NLGN1: variants seen among roughly 807,000 people sequenced by gnomAD.
NLGN1 encodes the protein neuroligin-1.
In NLGN1, 12 loss-of-function variants were observed where a neutral mutation model predicts 65.5. The observed-to-expected ratio is 0.18, with a 90% confidence interval of 0.12 to 0.30. The LOEUF is 0.30. Ranked by LOEUF, NLGN1 falls within the 10% of genes least tolerant of loss-of-function variation. The pLI, the probability that NLGN1 is intolerant of heterozygous loss-of-function variation, is 1.00. For synonymous variants in NLGN1, 350 were observed against 359.5 expected (o/e 0.97, Z 0.30); for missense variants, 750 against 1,007.1 (o/e 0.74, Z 3.46).
intron 4 of NLGN1, among the ~76,000 whole-genome samples, chr3:174,167,412 G>T (rs536196734): frequency 4.6e-5 from 7 of 151,820 alleles, no homozygotes; most frequent in Non-Finnish European, 1.0e-4. Context: ...CTTAGAGCTT[G>T]GTTATATTTT....
intron 4 of NLGN1, among the ~76,000 whole-genome samples, chr3:174,089,683 A>G (rs922773966): frequency 6.6e-6 from 1 of 152,206 alleles, no homozygotes; most frequent in Non-Finnish European, 1.5e-5. Context: ...CAAGACTTCT[A>G]TTCTTATTAT....
intron 4 of NLGN1, among the ~76,000 whole-genome samples, chr3:174,240,103 G>A (rs1742508137): frequency 6.6e-6 from 1 of 152,066 alleles, no homozygotes; most frequent in Non-Finnish European, 1.5e-5. Flanking sequence ...CAATGGGTGT[G>A]TATAATAAGG....
chr3:173,697,567 G>C (rs1290521727), intron 3 of NLGN1, among the ~76,000 whole-genome samples: 2 of 151,848 alleles, frequency 1.3e-5, no homozygotes, highest in African/African-American at 4.8e-5. Flanking sequence ...CGCTCTTGTT[G>C]CCCAGGCTGG....
chr3:173,513,596 A>G (rs1733333986), intron 2 of NLGN1, among the ~76,000 whole-genome samples: 1 of 152,220 alleles, frequency 6.6e-6, no homozygotes, highest in Non-Finnish European at 1.5e-5. Context: ...TTAACACAGA[A>G]TGGCAACTTC....
At chr3:173,449,811 A>G (rs1014254965) in intron 2 of NLGN1, among the ~76,000 whole-genome samples, 29 of 152,162 alleles carry the variant, frequency 1.9e-4, no homozygotes, top group African/African-American at 6.8e-4. Context: ...CTTTGCCATT[A>G]TCTAATGGCC....
At chr3:174,278,941 A>G in exon 6 of NLGN1, 2 of 1,535,948 alleles carry the variant, frequency 1.3e-6, no homozygotes, top group South Asian at 1.3e-5. Flanking sequence ...AAAATATGCT[A>G]GAATGTTGGC....
intron 4 of NLGN1, among the ~76,000 whole-genome samples, chr3:174,080,754 AG>A (rs1741990731): frequency 6.7e-6 from 1 of 148,704 alleles, no homozygotes; most frequent in African/African-American, 2.5e-5. Flanking sequence ...CATCAGTTTC[AG>A]GTTTTTTTTT....
chr3:173,508,863 G>A (rs1227870239), intron 2 of NLGN1, among the ~76,000 whole-genome samples: 1 of 152,152 alleles, frequency 6.6e-6, no homozygotes, highest in East Asian at 1.9e-4. Context: ...GTCGAGCCCA[G>A]CCCGAACTCT....
intron 2 of NLGN1, among the ~76,000 whole-genome samples, chr3:173,436,582 A>T (rs550082100): frequency 2.0e-5 from 3 of 152,170 alleles, no homozygotes; most frequent in Non-Finnish European, 4.4e-5. Context: ...ACAGGTTTTT[A>T]TCTGTAACTC....
intron 4 of NLGN1, among the ~76,000 whole-genome samples, chr3:173,815,046 CTTT>C (rs1379805849): frequency 2.0e-5 from 3 of 147,900 alleles, no homozygotes; most frequent in South Asian, 2.1e-4. Flanking sequence ...CCCTTTCTTT[CTTT>C]TTCTTTCTCT....
intron 4 of NLGN1, among the ~76,000 whole-genome samples, chr3:174,044,152 C>T (rs954698607): frequency 6.6e-6 from 1 of 152,166 alleles, no homozygotes. Context: ...CTACACACAC[C>T]TGGGGAGCCC....
intron 4 of NLGN1, among the ~76,000 whole-genome samples, chr3:173,901,363 T>TGGGG (rs1387951154): frequency 1.5e-5 from 2 of 133,370 alleles, no homozygotes; most frequent in East Asian, 2.9e-4. Flanking sequence ...AGTATTTTTT[T>TGGGG]TGGGGGGGTG....
chr3:173,496,228 T>C (rs1730003536), intron 2 of NLGN1, among the ~76,000 whole-genome samples: 1 of 151,802 alleles, frequency 6.6e-6, no homozygotes, highest in Non-Finnish European at 1.5e-5. Context: ...TGAGTGTCTG[T>C]GTTGTGGCTG....
chr3:174,066,243 TTC>T lies in NLGN1; in HGVS notation c.647-209070_647-209069del, dbSNP rs371956151. Among the ~76,000 whole-genome samples, 850 of 152,240 alleles carry T rather than the reference TTC, an allele frequency of 5.6e-3. 12 individuals are homozygous for T. Among genetic ancestry groups the T allele is most frequent in the African/African-American group, 0.02 (819 of 41,576 alleles). The stretch of plus-strand genomic sequence containing the variant: ...GAGGAAGTTTATTTTCCTTATTTTC[TTC>T]TGTTTCCCTCATTTAGAAGAGATAA... On this transcript the variant is annotated intron_variant, in intron 4 of 6. Transcript: ENST00000457714.
chr3:173,708,352 TC>T (rs1416258020), intron 3 of NLGN1, among the ~76,000 whole-genome samples: 1 of 152,134 alleles, frequency 6.6e-6, no homozygotes, highest in Non-Finnish European at 1.5e-5. Context: ...TTCCTTTTCA[TC>T]CCCAGCTCAG....
intron 2 of NLGN1, among the ~76,000 whole-genome samples, chr3:173,505,124 C>T (rs975855609): frequency 3.3e-5 from 5 of 151,934 alleles, no homozygotes; most frequent in Admixed American, 1.3e-4. Context: ...CTGTAAATGA[C>T]ATCACTCTTC....
intron 4 of NLGN1, among the ~76,000 whole-genome samples, chr3:173,913,505 C>T (rs557691132): frequency 2.0e-4 from 31 of 152,250 alleles, no homozygotes; most frequent in African/African-American, 7.5e-4. Context: ...ATGTTCAGTG[C>T]TGACAGCCCA....
intron 4 of NLGN1, among the ~76,000 whole-genome samples, chr3:173,952,193 A>G (rs1461194875): frequency 6.6e-6 from 1 of 152,174 alleles, no homozygotes; most frequent in Non-Finnish European, 1.5e-5. Flanking sequence ...GGTCTGTTCA[A>G]TCAGTCCAGT....
At chr3:173,908,858 TA>T (rs1235385115) in intron 4 of NLGN1, among the ~76,000 whole-genome samples, 1 of 152,202 alleles carries the variant, frequency 6.6e-6, no homozygotes, top group African/African-American at 2.4e-5. Context: ...TTGATGTCTA[TA>T]AAAACATTTT....
Sources: allele counts gnomAD v4.1 joint callset (sites outside exome capture counted in the v4.1 genomes callset), GRCh38; gene constraint gnomAD v4.1.1; transcripts MANE v1.5; gene names NCBI Gene and HGNC (gene_info 2026-07-23, HGNC 2026-07-21).